CADPS2: variants seen among roughly 807,000 people sequenced by gnomAD.
CADPS2 encodes calcium-dependent secretion activator 2.
A neutral mutation model predicts 172.5 loss-of-function variants in CADPS2; 93 were observed. The observed-to-expected ratio is 0.54, with a 90% CI of 0.46 to 0.64. CADPS2 has a LOEUF of 0.64. Ranked by LOEUF, CADPS2 falls within the 30% of genes least tolerant of loss-of-function variation. The pLI is 0.00. For synonymous variants in CADPS2, 546 were observed against 555.2 expected (o/e 0.98, Z 0.23); for missense variants, 1,420 against 1,565.9 (o/e 0.91, Z 1.57).
chr7:122,587,059 T>C (rs1169801769), intron 6 of CADPS2, among the ~76,000 whole-genome samples: 2 of 151,926 alleles, frequency 1.3e-5, no homozygotes, highest in African/African-American at 2.4e-5. Context: ...TGAAAGCCTA[T>C]AAAAAATTAC....
chr7:122,416,544 A>G (rs1171177858), intron 17 of CADPS2, among the ~76,000 whole-genome samples: 1 of 152,310 alleles, frequency 6.6e-6, no homozygotes, highest in South Asian at 2.1e-4. Context: ...CACATGATTC[A>G]TTCCTGGCAT....
chr7:122,361,290 G>A (rs536956082), intron 25 of CADPS2, among the ~76,000 whole-genome samples: 2 of 144,320 alleles, frequency 1.4e-5, no homozygotes, highest in East Asian at 2.0e-4. Flanking sequence ...CTGGAGTGCA[G>A]TGGCGTGATC....
At chr7:122,867,020 T>C (rs1818489249) in intron 1 of CADPS2, among the ~76,000 whole-genome samples, 1 of 152,268 alleles carries the variant, frequency 6.6e-6, no homozygotes, top group African/African-American at 2.4e-5. Flanking sequence ...CTTTTTATTC[T>C]TGCTTTAGTG....
At chr7:122,585,305 T>C (rs2069484420) in intron 6 of CADPS2, among the ~76,000 whole-genome samples, 1 of 151,880 alleles carries the variant, frequency 6.6e-6, no homozygotes, top group East Asian at 1.9e-4. Context: ...AAAGAAAATA[T>C]AAATCCCAAC....
intron 17 of CADPS2, among the ~76,000 whole-genome samples, chr7:122,436,663 A>AT (rs745851220): frequency 3.2e-4 from 49 of 151,994 alleles, no homozygotes; most frequent in Non-Finnish European, 4.7e-4. Context: ...GCTAGGATCC[A>AT]TTTTCCAGAA....
At chr7:122,884,434 G>A (rs1823753663) in intron 1 of CADPS2, among the ~76,000 whole-genome samples, 1 of 152,134 alleles carries the variant, frequency 6.6e-6, no homozygotes, top group South Asian at 2.1e-4. Flanking sequence ...ACTTACCTGA[G>A]TAATGGTGGT....
At position 122,553,970 on chromosome 7, in the gene CADPS2, T is replaced by C. The variant is rs563829350; in HGVS notation, c.1475+580A>G. 2.4e-4 allele frequency among the ~76,000 whole-genome samples: 36 copies of C among 152,222 alleles called. 1 individual carries two copies. In the East Asian group the frequency reaches 4.4e-3, roughly 19 times the overall value. On this transcript the variant is annotated intron_variant, in intron 8 of 29. Transcript: ENST00000449022. ...CACCAGCTGCAACAGACAAAGAACC[T>C]TGGCAGAGATGAAGGCTGACTCTGA... is the stretch of plus-strand genomic sequence containing the variant.
chr7:122,491,225 G>A (rs2058253423), intron 10 of CADPS2, 87 bp downstream of exon 10: 1 of 761,514 alleles, frequency 1.3e-6, no homozygotes, highest in Admixed American at 3.0e-5. Context: ...CATCGAGAGG[G>A]GTTTAAATTG....
At chr7:122,760,752 A>G (rs2093351104) in intron 1 of CADPS2, among the ~76,000 whole-genome samples, 1 of 146,514 alleles carries the variant, frequency 6.8e-6, no homozygotes, top group Non-Finnish European at 1.5e-5. Context: ...CATAGGTGGG[A>G]ATTGAACAAT....
intron 6 of CADPS2, among the ~76,000 whole-genome samples, chr7:122,587,437 A>G (rs2069912362): frequency 6.6e-6 from 1 of 152,132 alleles, no homozygotes; most frequent in Non-Finnish European, 1.5e-5. Context: ...CCTGCAAAGG[A>G]CATGATCTCA....
At chr7:122,706,464 T>C (rs2087516508) in intron 2 of CADPS2, among the ~76,000 whole-genome samples, 1 of 146,108 alleles carries the variant, frequency 6.8e-6, no homozygotes, top group African/African-American at 2.5e-5. Context: ...AAGGAATATA[T>C]ATATGTTTAT....
chr7:122,784,638 A>G (rs1793600540), intron 1 of CADPS2, among the ~76,000 whole-genome samples: 1 of 152,150 alleles, frequency 6.6e-6, no homozygotes, highest in Non-Finnish European at 1.5e-5. Flanking sequence ...TGGATGCCCC[A>G]TCTTCCTAAC....
rs752395454 is a variant in CADPS2, at chr7:122,490,179, A to G, written c.1754T>C (p.Met585Thr). The G allele has an allele frequency of 2.5e-6, 4 of 1,613,524 alleles. No homozygotes were observed. In the Admixed American group the frequency reaches 5.0e-5, roughly 20 times the overall value. ...EQDRILWVQA[M>T]YRATGQSYKP... ...ATATGATTGACCTGTGGCCCTATAC[A>G]TGGCTTGAACCCATAATATTCTGTC... The change falls in exon 11 of 30, where the codon ATG becomes ACG. Residue 585 changes from methionine (M) to threonine (T), a missense_variant. Physicochemically the swap from Met to Thr is moderately conservative, Grantham distance 81. Coordinates refer to ENST00000449022, the MANE Select transcript of CADPS2 (RefSeq NM_017954.11).
chr7:122,607,852 G>A (rs984742235), intron 6 of CADPS2, among the ~76,000 whole-genome samples: 2 of 152,136 alleles, frequency 1.3e-5, no homozygotes, highest in Non-Finnish European at 2.9e-5. Context: ...AATCTGTCAT[G>A]ATTTTGAAGA....
intron 9 of CADPS2, among the ~76,000 whole-genome samples, chr7:122,504,857 C>T (rs2059492571): frequency 6.6e-6 from 1 of 152,116 alleles, no homozygotes; most frequent in Non-Finnish European, 1.5e-5. Flanking sequence ...CATCACCATG[C>T]CCAGTCCGTT....
intron 1 of CADPS2, among the ~76,000 whole-genome samples, chr7:122,771,936 G>A (rs190965742): frequency 6.6e-6 from 1 of 152,278 alleles, no homozygotes; most frequent in African/African-American, 2.4e-5. Flanking sequence ...TTGTGTTAGG[G>A]AGAGAAAAAT....
At chr7:122,457,101 A>G (rs1301274968) in intron 14 of CADPS2, among the ~76,000 whole-genome samples, 2 of 152,214 alleles carry the variant, frequency 1.3e-5, no homozygotes, top group Non-Finnish European at 2.9e-5. Flanking sequence ...ATTATTTCGG[A>G]TGATTTCTGT....
intron 11 of CADPS2, among the ~76,000 whole-genome samples, chr7:122,487,257 C>A (rs1049548896): frequency 1.5e-4 from 23 of 151,974 alleles, no homozygotes; most frequent in African/African-American, 4.8e-4. Context: ...AGATCCCCCC[C>A]ACCTCGACCT....
chr7:122,586,693 T>C (rs987609419), intron 6 of CADPS2, among the ~76,000 whole-genome samples: 2 of 151,992 alleles, frequency 1.3e-5, no homozygotes, highest in Non-Finnish European at 2.9e-5. Flanking sequence ...TTAAACTCTG[T>C]TCTAACATTT....
Sources: gnomAD v4.1 joint callset for allele counts (sites outside exome capture counted in the v4.1 genomes callset) on GRCh38, gnomAD v4.1.1 for gene constraint, MANE v1.5 for transcripts, NCBI Gene and HGNC (gene_info 2026-07-23, HGNC 2026-07-21) for gene names.